Variants in AFG2A observed in about 807,000 individuals in gnomAD.
AFG2A encodes ATPase family gene 2 protein homolog A.
the AFG2A span, among the ~76,000 whole-genome samples, chr4:122,923,551 G>A: frequency 6.6e-6 from 1 of 152,092 alleles, no homozygotes; most frequent in Admixed American, 6.5e-5. Context: ...AAATTATTTT[G>A]AATTTTTAAG....
chr4:123,288,068 C>T, the AFG2A span, among the ~76,000 whole-genome samples: 3 of 152,020 alleles, frequency 2.0e-5, no homozygotes, highest in South Asian at 2.1e-4. Flanking sequence ...TGATTGGTGT[C>T]GCATGCTGCT....
the AFG2A span, among the ~76,000 whole-genome samples, chr4:123,195,859 C>G: frequency 4.6e-5 from 7 of 152,162 alleles, no homozygotes; most frequent in Non-Finnish European, 8.8e-5. Flanking sequence ...ATTTATTTCA[C>G]CATCCCCAGC....
At chr4:123,275,538 G>A in the AFG2A span, among the ~76,000 whole-genome samples, 2,007 of 152,106 alleles carry the variant, frequency 0.013, 15 homozygotes, top group Non-Finnish European at 0.02. Flanking sequence ...GTGCAGGTTT[G>A]TTACATAGGT....
the AFG2A span, among the ~76,000 whole-genome samples, chr4:122,978,883 A>G: frequency 2.0e-5 from 3 of 152,180 alleles, no homozygotes; most frequent in Non-Finnish European, 4.4e-5. Flanking sequence ...TTTTTCTGGG[A>G]CTGGGGAGAG....
At chr4:123,091,249 A>G in the AFG2A span, among the ~76,000 whole-genome samples, 1 of 152,230 alleles carries the variant, frequency 6.6e-6, no homozygotes, top group Admixed American at 6.5e-5. Flanking sequence ...TGGGAGAGAG[A>G]GAACTTGGTC....
the AFG2A span, among the ~76,000 whole-genome samples, chr4:123,220,629 A>C: frequency 6.6e-6 from 1 of 151,478 alleles, no homozygotes; most frequent in Non-Finnish European, 1.5e-5. Context: ...AAAAAAAAAA[A>C]AAAAAAAACC....
At chr4:123,017,182 AGAGGGAAAGGG>A in the AFG2A span, among the ~76,000 whole-genome samples, 194 of 9,036 alleles carry the variant, frequency 0.021, 8 homozygotes, top group African/African-American at 0.057. Flanking sequence ...GAGAGGGGGG[AGAGGGAAAGGG>A]AGAGGGAGAG....
chr4:123,316,858 C>T, the AFG2A span: 2 of 152,238 alleles, frequency 1.3e-5, no homozygotes, highest in East Asian at 1.9e-4. Flanking sequence ...GAAAAATCTC[C>T]TGCTGGCCAG....
the AFG2A span, among the ~76,000 whole-genome samples, chr4:123,141,182 GAAT>G: frequency 6.6e-6 from 1 of 152,202 alleles, no homozygotes; most frequent in African/African-American, 2.4e-5. Flanking sequence ...AAAACAAAAA[GAAT>G]AACTTTGTGG....
chr4:123,085,825 A>AT, the AFG2A span, among the ~76,000 whole-genome samples: 1 of 150,790 alleles, frequency 6.6e-6, no homozygotes, highest in Admixed American at 6.6e-5. Context: ...ATGTTATTTT[A>AT]TTTTATCTCT....
the AFG2A span, among the ~76,000 whole-genome samples, chr4:123,007,596 GTGTGTGTGTGTGTA>G: frequency 1.2e-4 from 1 of 8,176 alleles, no homozygotes; most frequent in African/African-American, 6.0e-4. Context: ...GTGTGTGTGT[GTGTGTGTGTGTGTA>G]TATATATATA....
the AFG2A span, among the ~76,000 whole-genome samples, chr4:123,107,358 C>T: frequency 6.6e-6 from 1 of 152,224 alleles, no homozygotes; most frequent in African/African-American, 2.4e-5. Context: ...AATTGAACAA[C>T]AGAACAGCTC....
At chr4:123,214,601 T>A in the AFG2A span, among the ~76,000 whole-genome samples, 1 of 151,778 alleles carries the variant, frequency 6.6e-6, no homozygotes, top group South Asian at 2.1e-4. Context: ...TAAGAAAAAA[T>A]GTCATGAATG....
the AFG2A span, among the ~76,000 whole-genome samples, chr4:123,002,857 G>C: frequency 6.6e-6 from 1 of 152,132 alleles, no homozygotes; most frequent in Non-Finnish European, 1.5e-5. Context: ...GGCCTGCCTT[G>C]CTGGATTGGG....
the AFG2A span, among the ~76,000 whole-genome samples, chr4:123,147,141 C>CT: frequency 2.0e-5 from 3 of 152,162 alleles, no homozygotes; most frequent in Non-Finnish European, 4.4e-5. Flanking sequence ...TCAAAGTTAA[C>CT]TAATTTCTTA....
At chr4:123,007,650 C>T in the AFG2A span, among the ~76,000 whole-genome samples, 2 of 48,694 alleles carry the variant, frequency 4.1e-5, no homozygotes, top group African/African-American at 8.8e-5. Flanking sequence ...ACAACACACA[C>T]ACACACACAC....
At chr4:122,995,051 T>G in the AFG2A span, among the ~76,000 whole-genome samples, 6 of 152,108 alleles carry the variant, frequency 3.9e-5, no homozygotes, top group African/African-American at 1.4e-4. Flanking sequence ...GTGCAAAGGT[T>G]TGAGTGAAGT....
chr4:123,209,326 T>G, the AFG2A span, among the ~76,000 whole-genome samples: 1 of 152,118 alleles, frequency 6.6e-6, no homozygotes, highest in Non-Finnish European at 1.5e-5. Flanking sequence ...CAGAAATGAA[T>G]GATTACTTGG....
the AFG2A span, among the ~76,000 whole-genome samples, chr4:123,182,934 C>G: frequency 1.3e-5 from 2 of 152,162 alleles, no homozygotes; most frequent in Non-Finnish European, 2.9e-5. Flanking sequence ...TTGCGTTATA[C>G]ACAGTTTAAG....
Sources: allele counts gnomAD v4.1 joint callset (sites outside exome capture counted in the v4.1 genomes callset), GRCh38; gene constraint gnomAD v4.1.1; transcripts MANE v1.5; gene names NCBI Gene and HGNC (gene_info 2026-07-23, HGNC 2026-07-21).